KIF15: variants seen among roughly 807,000 people sequenced by gnomAD.
The protein encoded by KIF15 is kinesin-like protein KIF15.
A neutral mutation model predicts 190.6 loss-of-function variants in KIF15; 140 were observed. The observed-to-expected ratio is 0.73, with a 90% CI of 0.64 to 0.84. The LOEUF (loss-of-function observed/expected upper bound fraction) is 0.84. KIF15 is among the 40% of genes least tolerant of loss of function. The pLI is 0.00. For missense variants in KIF15, 1,372 were observed against 1,584.4 expected, an observed-to-expected ratio of 0.87 and a Z score of 2.28; for synonymous variants, 528 against 551.3, an observed-to-expected ratio of 0.96 and a Z score of 0.59.
At chr3:44,816,954 A>G (rs1001972894) in intron 20 of KIF15, among the ~76,000 whole-genome samples, 1 of 151,420 alleles carries the variant, frequency 6.6e-6, no homozygotes, top group Non-Finnish European at 1.5e-5. Context: ...ATGGTGTCTC[A>G]TTGTGGTTTT....
chr3:44,826,292 C>T, intron 21 of KIF15, 83 bp from the exon 22 acceptor site: 2 of 1,548,786 alleles, frequency 1.3e-6, no homozygotes, highest in East Asian at 4.5e-5. Context: ...GCCCACAGTG[C>T]CTGCCACATA....
chr3:44,789,520 G>T (rs1222222336), intron 7 of KIF15, among the ~76,000 whole-genome samples: 2 of 150,878 alleles, frequency 1.3e-5, no homozygotes, highest in African/African-American at 4.9e-5. Flanking sequence ...TGTATCCTTG[G>T]TACAAGGTTT....
chr3:44,840,230 G>C, intron 27 of KIF15, 125 bp from the exon 28 acceptor site: 1 of 580,626 alleles, frequency 1.7e-6, no homozygotes, highest in Non-Finnish European at 3.0e-6. Flanking sequence ...GGTGCGAAGT[G>C]ATATCTCATT....
Position 44,761,874 on chromosome 3 carries a change from C to T in KIF15, c.9C>T (p.Pro3=), listed in dbSNP as rs951743131. The T allele has an allele frequency of 6.2e-7, 1 of 1,614,170 alleles. No homozygotes were observed. Among genetic ancestry groups the T allele is most frequent in the Non-Finnish European group, 8.5e-7 (1 of 1,180,032 alleles). Residue 3 remains proline (P), a synonymous_variant, in exon 1 of 35, where the codon CCC becomes CCT. Coordinates refer to ENST00000326047, the MANE Select transcript of KIF15 (RefSeq NM_020242.3). The part of the protein sequence containing the change: MA[P]GCKTELRSVT... Reference sequence around the variant, plus strand: ...CGAGGGGTGAGGGCGCTATGGCACCCGGCTGCAAAAGTAAGTCTGGGCCCC... The same window carrying T: ...CGAGGGGTGAGGGCGCTATGGCACCTGGCTGCAAAAGTAAGTCTGGGCCCC...
At chr3:44,768,133 G>A (rs1474717857) in intron 1 of KIF15, among the ~76,000 whole-genome samples, 1 of 151,684 alleles carries the variant, frequency 6.6e-6, no homozygotes, top group Non-Finnish European at 1.5e-5. Context: ...AATTAGCCAG[G>A]CGTGGTGGTG....
At chr3:44,787,697 T>A (rs1228278278) in intron 7 of KIF15, among the ~76,000 whole-genome samples, 3 of 152,228 alleles carry the variant, frequency 2.0e-5, no homozygotes, top group Non-Finnish European at 4.4e-5. Context: ...TACATTAGCA[T>A]AGTATGTCTC....
At chr3:44,858,085 TG>T (rs781520045), downstream of KIF15, among the ~76,000 whole-genome samples, 10 of 152,176 alleles carry the variant, frequency 6.6e-5, no homozygotes, top group Non-Finnish European at 1.5e-4. Context: ...CTGGGACTGA[TG>T]GGTGTCAGGG....
At chr3:44,845,765 A>C (rs891610547) in intron 30 of KIF15, among the ~76,000 whole-genome samples, 1 of 152,174 alleles carries the variant, frequency 6.6e-6, no homozygotes, top group African/African-American at 2.4e-5. Flanking sequence ...CTCACCCTGC[A>C]ACAGAGCTTA....
chr3:44,847,853 T>A (rs1698916498), intron 30 of KIF15, 132 bp from the exon 31 acceptor site: 1 of 639,904 alleles, frequency 1.6e-6, no homozygotes, highest in South Asian at 2.1e-5. Context: ...CTTGACCCAA[T>A]CACAATAGAG....
Position 44,851,863 on chromosome 3 carries a change from C to T in KIF15, c.3883C>T (p.Gln1295Ter). 6.2e-7 allele frequency: 1 copy of T among 1,613,930 alleles called. No homozygotes were observed. The highest frequency in any genetic ancestry group is 8.5e-7 in the Non-Finnish European group (1 of 1,179,908). Residue 1295 changes from glutamine (Q) to a stop codon, truncating the protein, a stop_gained, in exon 33 of 35, where the codon CAA (glutamine) becomes TAA (stop). Transcript: ENST00000326047. LOFTEE classifies it high-confidence loss of function. ...AATGACTGATGAAGTCGAACGAACCCAAACTTTGGAGTCTAAAGCATTCCA... is the reference window on the plus strand; with the variant it reads ...AATGACTGATGAAGTCGAACGAACCTAAACTTTGGAGTCTAAAGCATTCCA... ...LRMTDEVERT[Q>*]TLESKAFQEK... is the part of the protein sequence containing the mutation.
chr3:44,852,876 C>T lies in KIF15; in HGVS notation c.*141C>T. 1.7e-6 allele frequency: 1 copy of T among 592,760 alleles called. No individual in the cohort carries two copies. 36.7% of individuals were successfully genotyped at this position (592,760 alleles called of 1,614,324 possible). A position where few individuals can be genotyped will look rare whatever the true frequency, so the allele number is the denominator to read the frequency against. ...ATGTTTATAAGGTGGTGGTAACCAC[C>T]TCAAGTTTCTGATGAACATTCTGCA... is the stretch of plus-strand genomic sequence containing the variant. On this transcript the variant is annotated 3_prime_UTR_variant, in exon 35 of 35. Coordinates refer to ENST00000326047, the MANE Select transcript of KIF15 (RefSeq NM_020242.3).
At chr3:44,821,879 C>T (rs148666026) in intron 20 of KIF15, among the ~76,000 whole-genome samples, 2,826 of 152,316 alleles carry the variant, frequency 0.019, 73 homozygotes, top group African/African-American at 0.063. Context: ...CCCGGCACCT[C>T]GGGAGGCCGA....
Position 44,800,412 on chromosome 3 carries a change from A to C in KIF15, c.1197A>C (p.Thr399=). Reference sequence around the variant, plus strand: ...TGGCGGAGCTTGCTTCAGGACAGACACCACCAGAAAGCTTCCTGACCAGAG... The same window carrying C: ...TGGCGGAGCTTGCTTCAGGACAGACCCCACCAGAAAGCTTCCTGACCAGAG... ...EQLAELASGQ[T]PPESFLTRDK... Residue 399 remains threonine (T), a synonymous_variant, in exon 11 of 35, where the codon ACA becomes ACC. Coordinates refer to ENST00000326047, the MANE Select transcript of KIF15 (RefSeq NM_020242.3). The C allele has an allele frequency of 6.2e-7, 1 of 1,614,146 alleles. No individual in the cohort carries two copies. Among genetic ancestry groups the C allele is most frequent in the Non-Finnish European group, 8.5e-7 (1 of 1,179,986 alleles).
chr3:44,862,145 T>G (rs1575701628), intron 6 of KIF15: 1 of 139,620 alleles, frequency 7.2e-6, no homozygotes. Flanking sequence ...TTGGTGCTGC[T>G]GCTGCGGGCG....
intron 6 of KIF15, among the ~76,000 whole-genome samples, chr3:44,858,703 G>A (rs1161746428): frequency 2.0e-5 from 3 of 152,178 alleles, no homozygotes; most frequent in Non-Finnish European, 2.9e-5. Context: ...ATTAAAGAAC[G>A]TTGTCCAAGT....
At chr3:44,806,012 C>A in intron 16 of KIF15, 26 bp downstream of exon 16, 1 of 1,606,090 alleles carries the variant, frequency 6.2e-7, no homozygotes, top group Non-Finnish European at 8.5e-7. Flanking sequence ...AATACCTCCA[C>A]CTTAAATCAG....
chr3:44,826,912 G>A (rs1484081280), intron 22 of KIF15: 4 of 414,634 alleles, frequency 9.6e-6, no homozygotes, highest in South Asian at 7.1e-5. Context: ...TCGGTCACTA[G>A]GCTGAGAGTC....
At chr3:44,860,005 A>G (rs1419648875) in intron 6 of KIF15, among the ~76,000 whole-genome samples, 1 of 152,166 alleles carries the variant, frequency 6.6e-6, no homozygotes, top group Admixed American at 6.5e-5. Flanking sequence ...GGAGATTAAC[A>G]ACGATGTAGT....
intron 24 of KIF15, among the ~76,000 whole-genome samples, chr3:44,829,557 T>TATTATATATG (rs1553658691): frequency 8.0e-5 from 9 of 112,272 alleles, no homozygotes; most frequent in Admixed American, 3.2e-4. Flanking sequence ...TATGTATATA[T>TATTATATATG]TATATATGTA....
Sources: allele counts gnomAD v4.1 joint callset (sites outside exome capture counted in the v4.1 genomes callset), GRCh38; gene constraint gnomAD v4.1.1; transcripts MANE v1.5; gene names NCBI Gene and HGNC (gene_info 2026-07-23, HGNC 2026-07-21).